Variants in TMEM229B observed in about 807,000 individuals in gnomAD.
The protein encoded by TMEM229B is chromosome 14 open reading frame 83.
TMEM229B carries 6 observed loss-of-function variants against 13.7 expected under a neutral mutation model. The observed-to-expected ratio is 0.44, with a 90% CI of 0.24 to 0.86. The LOEUF is 0.86. Ranked by LOEUF, TMEM229B falls within the 40% of genes least tolerant of loss-of-function variation. The pLI is 0.23. For synonymous variants in TMEM229B, 107 were observed against 102.1 expected, an observed-to-expected ratio of 1.05 and a Z score of -0.29; for missense variants, 170 against 236.0, an observed-to-expected ratio of 0.72 and a Z score of 1.83.
At chr14:67,483,958 G>C (rs1175919337) in intron 2 of TMEM229B, among the ~76,000 whole-genome samples, 2 of 152,210 alleles carry the variant, frequency 1.3e-5, no homozygotes, top group African/African-American at 4.8e-5. Flanking sequence ...TGGCACAGAG[G>C]TCCCTGGGGC....
At chr14:67,517,311 G>A (rs927506491), upstream of TMEM229B, among the ~76,000 whole-genome samples, 3 of 152,186 alleles carry the variant, frequency 2.0e-5, no homozygotes, top group Non-Finnish European at 4.4e-5. Context: ...GCAGCATTGC[G>A]CAGAGGAAAG....
chr14:67,473,397 C>A lies in TMEM229B; in HGVS notation c.*23G>T. On this transcript the variant is annotated 3_prime_UTR_variant, in exon 3 of 3. Transcript: ENST00000554480. The surrounding 1 kb of genome is among the most constrained non-coding windows in gnomAD (Gnocchi z 6.5). ...GTCCATGAGTTCCATGAGAGATCCC[C>A]AGGCCCCCCACCCGCTTCCTGCTCA... The A allele has an allele frequency of 1.9e-6, 3 of 1,608,336 alleles. No individual in the cohort carries two copies. The highest frequency in any genetic ancestry group is 1.1e-5 in the South Asian group (1 of 90,334).
chr14:67,476,891 G>A (rs1005306169), intron 2 of TMEM229B, among the ~76,000 whole-genome samples: 5 of 151,888 alleles, frequency 3.3e-5, no homozygotes, highest in East Asian at 1.9e-4. Context: ...TTTGGGAGGC[G>A]GAGATGGGCA....
At chr14:67,482,979 A>T (rs1205434824) in intron 2 of TMEM229B, among the ~76,000 whole-genome samples, 1 of 152,186 alleles carries the variant, frequency 6.6e-6, no homozygotes, top group Non-Finnish European at 1.5e-5. Context: ...AGATGGGGAA[A>T]GTGAGGCAGA....
upstream of TMEM229B, among the ~76,000 whole-genome samples, chr14:67,491,247 T>C (rs762424789): frequency 1.1e-4 from 16 of 152,278 alleles, no homozygotes; most frequent in East Asian, 3.9e-4. Flanking sequence ...GGGTGACGTA[T>C]TGGGGGGTCA....
intron 1 of TMEM229B, among the ~76,000 whole-genome samples, chr14:67,532,216 G>A (rs897300913): frequency 6.6e-6 from 1 of 152,300 alleles, no homozygotes; most frequent in Admixed American, 6.5e-5. Flanking sequence ...ACTTTAGTTA[G>A]AGATTCAGAT....
rs937639778 is a variant in TMEM229B, at chr14:67,473,789, C to T, written c.135G>A (p.Thr45=). 5.6e-6 allele frequency: 9 copies of T among 1,613,830 alleles called. No individual in the cohort carries two copies. In the African/African-American group the frequency reaches 1.1e-4, roughly 19 times the overall value. Residue 45 remains threonine (T), a synonymous_variant, in exon 3 of 3, where the codon ACG becomes ACA. Transcript: ENST00000554480. This position sits in a 1 kb window ranked among gnomAD's most constrained non-coding sequence, Gnocchi z 6.5. ...VNLNWKFPGV[T]SVWALFIYGT... ...CGTAGATGAAGAGGGCCCACACGCT[C>T]GTGACCCCAGGGAACTTCCAGTTCA...
intron 1 of TMEM229B, among the ~76,000 whole-genome samples, chr14:67,508,880 G>A (rs1192636508): frequency 6.6e-6 from 1 of 151,478 alleles, no homozygotes; most frequent in Non-Finnish European, 1.5e-5. Context: ...CAGAAGAACA[G>A]AATAATCTCA....
chr14:67,517,452 C>G (rs1399810569), upstream of TMEM229B, among the ~76,000 whole-genome samples: 1 of 152,112 alleles, frequency 6.6e-6, no homozygotes, highest in Non-Finnish European at 1.5e-5. Context: ...CTTTTAAACT[C>G]AGAGGCAAAA....
At chr14:67,478,820 T>G (rs1000810147) in intron 2 of TMEM229B, among the ~76,000 whole-genome samples, 2 of 152,118 alleles carry the variant, frequency 1.3e-5, no homozygotes, top group Non-Finnish European at 2.9e-5. Flanking sequence ...CCCTTCTCTG[T>G]GGTAATAGTG....
chr14:67,516,299 C>T (rs1274148537), upstream of TMEM229B, among the ~76,000 whole-genome samples: 1 of 152,118 alleles, frequency 6.6e-6, no homozygotes, highest in African/African-American at 2.4e-5. Context: ...TGTCACTAAC[C>T]CATCCGGAGA....
chr14:67,524,684 G>A (rs2033340853), intron 1 of TMEM229B, among the ~76,000 whole-genome samples: 1 of 152,180 alleles, frequency 6.6e-6, no homozygotes, highest in Non-Finnish European at 1.5e-5. Flanking sequence ...CCAGACTTGT[G>A]TCTGCTCCTT....
intron 1 of TMEM229B, among the ~76,000 whole-genome samples, chr14:67,506,799 C>T (rs1163929451): frequency 3.9e-5 from 6 of 152,280 alleles, no homozygotes; most frequent in Non-Finnish European, 5.9e-5. Flanking sequence ...TCCTGGCCAA[C>T]GTGGTGAAAC....
rs1000961865 is a variant in TMEM229B, at chr14:67,472,407, C to T, written c.*1013G>A. On this transcript the variant is annotated 3_prime_UTR_variant, in exon 3 of 3. Transcript: ENST00000554480. ...GCTTTTCCCCACCAAACTGACTTGC[C>T]TCTAGGTCCCCACTGTGGATCCACA... 2 of 152,384 alleles carry T rather than the reference C, an allele frequency of 1.3e-5. No homozygotes were observed. Among genetic ancestry groups the T allele is most frequent in the Admixed American group, 6.5e-5 (1 of 15,282 alleles). 9.4% of individuals were successfully genotyped at this position (152,384 alleles called of 1,614,324 possible).
chr14:67,518,240 G>A (rs1049595519), upstream of TMEM229B, among the ~76,000 whole-genome samples: 2 of 152,310 alleles, frequency 1.3e-5, no homozygotes, highest in East Asian at 3.9e-4. Flanking sequence ...GTATGGGCCA[G>A]GAACAGACAG....
At chr14:67,519,319 G>A (rs566050159), upstream of TMEM229B, among the ~76,000 whole-genome samples, 1 of 152,234 alleles carries the variant, frequency 6.6e-6, no homozygotes, top group Non-Finnish European at 1.5e-5. Context: ...TAAAGGGAAT[G>A]CTGGCAAAAC....
intron 1 of TMEM229B, among the ~76,000 whole-genome samples, chr14:67,487,797 A>T (rs59826447): frequency 1.4e-5 from 2 of 147,998 alleles, no homozygotes; most frequent in African/African-American, 4.9e-5. Context: ...CATGTACTTT[A>T]AAAAAAAAAA....
rs2030623337 is a variant in TMEM229B at position 67,470,360 on chromosome 14, A to G, written c.*3060T>C. On this transcript the variant is annotated 3_prime_UTR_variant, in exon 3 of 3. Transcript: ENST00000554480. ...GAGACACAGAGCAGGCAATGGGCGC[A>G]CAAACCGGTCGTGTGTCCTTCTCAA... 6.6e-6 allele frequency: 1 copy of G among 152,322 alleles called. No homozygotes were observed. The highest frequency in any genetic ancestry group is 6.5e-5 in the Admixed American group (1 of 15,290). 9.4% of individuals were successfully genotyped at this position (152,322 alleles called of 1,614,324 possible). A position where few individuals can be genotyped will look rare whatever the true frequency, so the allele number is the denominator to read the frequency against.
At chr14:67,526,927 G>A (rs2033375890) in intron 1 of TMEM229B, among the ~76,000 whole-genome samples, 2 of 152,176 alleles carry the variant, frequency 1.3e-5, no homozygotes, top group Admixed American at 6.5e-5. Flanking sequence ...CGAAAACCCT[G>A]AGCACAACAA....
Sources: allele counts gnomAD v4.1 joint callset (sites outside exome capture counted in the v4.1 genomes callset), GRCh38; gene constraint gnomAD v4.1.1; non-coding constraint Gnocchi (gnomAD v3.1); transcripts MANE v1.5; gene names NCBI Gene and HGNC (gene_info 2026-07-23, HGNC 2026-07-21).